SSTR3: variants seen among roughly 807,000 people sequenced by gnomAD.
SSTR3 encodes somatostatin receptor 3.
For synonymous variants in SSTR3, 281 were observed against 269.2 expected, an observed-to-expected ratio of 1.04 and a Z score of -0.43; for missense variants, 504 against 604.7, an observed-to-expected ratio of 0.83 and a Z score of 1.75.
At position 37,206,830 on chromosome 22, in the gene SSTR3, C is replaced by T. The variant is rs1049598972; in HGVS notation, c.974G>A (p.Arg325His). 6.8e-6 allele frequency: 11 copies of T among 1,612,882 alleles called. No homozygotes were observed. Among genetic ancestry groups the T allele is most frequent in the Non-Finnish European group, 9.3e-6 (11 of 1,179,984 alleles). ...GCGGGAGGGCCGCAGCAGGACCCTGCGGAAGCCCTGCTTGAAGCGGTAGGA... is the reference window on the plus strand; with the variant it reads ...GCGGGAGGGCCGCAGCAGGACCCTGTGGAAGCCCTGCTTGAAGCGGTAGGA... ...FLSYRFKQGFRRVLLRPSRRV... is the reference protein window; with the variant it reads ...FLSYRFKQGFHRVLLRPSRRV... The change falls in exon 2 of 2, where the codon CGC becomes CAC. Residue 325 changes from arginine to histidine, a missense_variant. Physicochemically the swap from Arg to His is conservative, Grantham distance 29. Transcript: ENST00000610913.
upstream of SSTR3, among the ~76,000 whole-genome samples, chr22:37,214,297 T>G (rs1461294039): frequency 6.6e-6 from 1 of 152,220 alleles, no homozygotes; most frequent in Non-Finnish European, 1.5e-5. Context: ...CCTCCCCTTT[T>G]CTTCCTGAAA....
chr22:37,217,752 G>A, the SSTR3 span, among the ~76,000 whole-genome samples: 25 of 152,176 alleles, frequency 1.6e-4, 1 homozygote, highest in South Asian at 5.2e-3. Context: ...CACCCAGGCT[G>A]GAGTGCAGTG....
rs1483719898 is a variant in SSTR3, at chr22:37,205,236, C to G, written c.*1311G>C. 1 of 152,602 alleles carries G rather than the reference C, an allele frequency of 6.6e-6. No individual in the cohort carries two copies. The highest frequency in any genetic ancestry group is 1.5e-5 in the Non-Finnish European group (1 of 68,346). The allele number at this position is 152,602 out of a possible 1,614,324, so 9.5% of individuals were successfully genotyped here. On this transcript the variant is annotated 3_prime_UTR_variant, in exon 2 of 2. Coordinates refer to ENST00000610913, the MANE Select transcript of SSTR3 (RefSeq NM_001051.5). ...CTGAGGCCCCTCAGGGACGCAGGCC[C>G]TGTGCCTGTCTGTACTCTGTGCATT...
rs1601658053 is a variant in SSTR3, at chr22:37,211,830, C to T, written c.-42G>A. On this transcript the variant is annotated 5_prime_UTR_variant, in exon 1 of 2. It removes an upstream start codon present in the reference 5' UTR. Transcript: ENST00000610913. The stretch of plus-strand genomic sequence containing the variant: ...CCGGGCCCCAGCCTCCTTACCTGCC[C>T]ATGGGGTGAGGGCTTCCCTCCTTGC... 2.0e-6 allele frequency: 2 copies of T among 985,634 alleles called. No individual in the cohort carries two copies. The highest frequency in any genetic ancestry group is 6.1e-5 in the Admixed American group (1 of 16,274). 61.1% of individuals were successfully genotyped at this position (985,634 alleles called of 1,614,324 possible). A position where few individuals can be genotyped will look rare whatever the true frequency, so the allele number is the denominator to read the frequency against.
rs559335578 is a variant in SSTR3 at position 37,206,520 on chromosome 22, C to T, written c.*27G>A. The T allele has an allele frequency of 4.6e-5, 72 of 1,572,452 alleles. No homozygotes were observed. In the South Asian group the frequency reaches 5.0e-4, roughly 11 times the overall value. ...ACACCCACGGCTTCTGCCTCTTCCT[C>T]GGGCCATCCTGGCTTTCCCCAGGCC... On this transcript the variant is annotated 3_prime_UTR_variant, in exon 2 of 2. Transcript: ENST00000610913.
rs1469109472 is a variant in SSTR3 at position 37,207,050 on chromosome 22, C to T, written c.754G>A (p.Glu252Lys). The T allele has an allele frequency of 8.7e-6, 14 of 1,612,346 alleles. No individual in the cohort carries two copies. The highest frequency in any genetic ancestry group is 4.5e-5 in the East Asian group (2 of 44,862). Residue 252 changes from glutamate (E) to lysine (K), a missense_variant, in exon 2 of 2, where the codon GAA becomes AAA. Physicochemically the swap from Glu to Lys is moderately conservative, Grantham distance 56 (BLOSUM62 1). Coordinates refer to ENST00000610913, the MANE Select transcript of SSTR3 (RefSeq NM_001051.5). ...ACCACCATGCGCGTGACCCTGCGTT[C>T]GGAGCGCCGCCGCCGCTGGCACGAG... ...APSCQRRRRS[E>K]RRVTRMVVAV...
At position 37,212,078 on chromosome 22, in the gene SSTR3, G is replaced by A. The variant is rs1020572328; in HGVS notation, c.-290C>T. ...CCTGGTACGTCACCCCCCATCTCCA[G>A]GACACATCCTGGGGGGGCAGGGGCA... On this transcript the variant is annotated 5_prime_UTR_variant, in exon 1 of 2. Transcript: ENST00000610913. 1.9e-5 allele frequency: 19 copies of A among 985,546 alleles called. No individual in the cohort carries two copies. Among genetic ancestry groups the A allele is most frequent in the African/African-American group, 3.5e-5 (2 of 57,160 alleles). 61.1% of individuals were successfully genotyped at this position (985,546 alleles called of 1,614,324 possible). A position where few individuals can be genotyped will look rare whatever the true frequency, so the allele number is the denominator to read the frequency against.
At chr22:37,208,832 G>C (rs879471560) in intron 1 of SSTR3, among the ~76,000 whole-genome samples, 1 of 152,112 alleles carries the variant, frequency 6.6e-6, no homozygotes, top group East Asian at 1.9e-4. Flanking sequence ...CATCACTTCC[G>C]CACAGGCACG....
intron 1 of SSTR3, chr22:37,210,966 C>T (rs1601657299): frequency 1.0e-6 from 1 of 985,390 alleles, no homozygotes; most frequent in African/African-American, 1.7e-5. Context: ...CTCAGACTCA[C>T]ATCATGAGAT....
chr22:37,216,788 G>A (rs527319699), upstream of SSTR3, among the ~76,000 whole-genome samples: 1 of 132,626 alleles, frequency 7.5e-6, no homozygotes. Flanking sequence ...GGGGGCCTTG[G>A]GGTTTTTTTG....
intron 1 of SSTR3, 75 bp from the exon 2 acceptor site, chr22:37,207,914 C>G: frequency 7.3e-7 from 1 of 1,363,678 alleles, no homozygotes; most frequent in African/African-American, 1.5e-5. Flanking sequence ...TCATGCCGAA[C>G]CTGGGGACCT....
chr22:37,216,788 G>C (rs527319699), upstream of SSTR3, among the ~76,000 whole-genome samples: 556 of 132,748 alleles, frequency 4.2e-3, 1 homozygote, highest in Non-Finnish European at 7.4e-3. Flanking sequence ...GGGGGCCTTG[G>C]GGTTTTTTTG....
At chr22:37,210,345 A>G (rs557323537) in intron 1 of SSTR3, among the ~76,000 whole-genome samples, 2 of 151,688 alleles carry the variant, frequency 1.3e-5, no homozygotes, top group African/African-American at 2.4e-5. Flanking sequence ...TGACACACAC[A>G]TGGTCCTGGC....
chr22:37,218,592 G>A, the SSTR3 span, among the ~76,000 whole-genome samples: 3 of 152,172 alleles, frequency 2.0e-5, no homozygotes, highest in African/African-American at 7.2e-5. Flanking sequence ...TCTCTCTCTG[G>A]AGCATGGTAG....
At position 37,207,006 on chromosome 22, in the gene SSTR3, G is replaced by A. The variant is rs750163700; in HGVS notation, c.798C>T (p.Phe266=). The A allele has an allele frequency of 8.7e-5, 140 of 1,612,048 alleles. No homozygotes were observed. The highest frequency in any genetic ancestry group is 1.1e-4 in the Non-Finnish European group (131 of 1,179,272). The change falls in exon 2 of 2, where the codon TTC becomes TTT. Residue 266 remains phenylalanine (F), a synonymous_variant. Transcript: ENST00000610913. ...TRMVVAVVAL[F]VLCWMPFYVL... is the part of the protein sequence containing the mutation. ...CGTAGAAGGGCATCCAGCAGAGCAC[G>A]AAGAGCGCCACCACGGCCACCACCA... is the stretch of plus-strand genomic sequence containing the variant.
In SSTR3 at chr22:37,212,107, A is replaced by G. The variant is rs1601658334; in HGVS notation, c.-319T>C. On this transcript the variant is annotated 5_prime_UTR_variant, in exon 1 of 2. Transcript: ENST00000610913. Reference sequence around the variant, plus strand: ...ACATCCTGGGGGGGCAGGGGCAAGGATAGGGGGGAGAAGCTTCCCAGGGTG... The same window carrying G: ...ACATCCTGGGGGGGCAGGGGCAAGGGTAGGGGGGAGAAGCTTCCCAGGGTG... 1 of 985,268 alleles carries G rather than the reference A, an allele frequency of 1.0e-6. No individual in the cohort carries two copies. The highest frequency in any genetic ancestry group is 4.7e-5 in the South Asian group (1 of 21,260). The allele number at this position is 985,268 out of a possible 1,614,324, so 61.0% of individuals were successfully genotyped here.
chr22:37,211,824 C>T lies in SSTR3; in HGVS notation c.-37+1G>A. On this transcript the variant is annotated splice_donor_variant, in intron 1 of 1. Transcript: ENST00000610913. LOFTEE classifies it low-confidence loss of function (5UTR_SPLICE). Reference sequence around the variant, plus strand: ...CATCATCCGGGCCCCAGCCTCCTTACCTGCCCATGGGGTGAGGGCTTCCCT... The same window carrying T: ...CATCATCCGGGCCCCAGCCTCCTTATCTGCCCATGGGGTGAGGGCTTCCCT... The T allele has an allele frequency of 5.1e-6, 5 of 985,712 alleles. No individual in the cohort carries two copies. Among genetic ancestry groups the T allele is most frequent in the Non-Finnish European group, 6.0e-6 (5 of 830,124 alleles). The allele number at this position is 985,712 out of a possible 1,614,324, so 61.1% of individuals were successfully genotyped here.
Position 37,206,472 on chromosome 22 carries a change from A to G in SSTR3, c.*75T>C. On this transcript the variant is annotated 3_prime_UTR_variant, in exon 2 of 2. Coordinates refer to ENST00000610913, the MANE Select transcript of SSTR3 (RefSeq NM_001051.5). ...CAACATCCCATCATGGGCCTGTGGC[A>G]CCTTGGGAAGTAGGCCCTAGGCACA... 6.6e-7 allele frequency: 1 copy of G among 1,509,932 alleles called. No homozygotes were observed. The highest frequency in any genetic ancestry group is 8.8e-7 in the Non-Finnish European group (1 of 1,134,984). 93.5% of individuals were successfully genotyped at this position (1,509,932 alleles called of 1,614,324 possible). A position where few individuals can be genotyped will look rare whatever the true frequency, so the allele number is the denominator to read the frequency against.
Position 37,207,158 on chromosome 22 carries a change from A to T in SSTR3, c.646T>A (p.Phe216Ile). The change falls in exon 2 of 2, where the codon TTC becomes ATC. Residue 216 changes from phenylalanine (F) to isoleucine (I), a missense_variant. By Grantham distance (21) the Phe-to-Ile change is conservative. Coordinates refer to ENST00000610913, the MANE Select transcript of SSTR3 (RefSeq NM_001051.5). ...FIIYTAALGF[F>I]GPLLVICLCY... ...AGGCAGATGACCAGCAGCGGCCCGAAGAAGCCCAGTGCGGCCGTGTAGATG... is the reference window on the plus strand; with the variant it reads ...AGGCAGATGACCAGCAGCGGCCCGATGAAGCCCAGTGCGGCCGTGTAGATG... The T allele has an allele frequency of 6.2e-7, 1 of 1,612,514 alleles. No homozygotes were observed. Among genetic ancestry groups the T allele is most frequent in the Non-Finnish European group, 8.5e-7 (1 of 1,179,672 alleles).
Sources: allele counts gnomAD v4.1 joint callset (sites outside exome capture counted in the v4.1 genomes callset), GRCh38; gene constraint gnomAD v4.1.1; transcripts MANE v1.5; gene names NCBI Gene and HGNC (gene_info 2026-07-23, HGNC 2026-07-21).